SNX21: variants seen among roughly 807,000 people sequenced by gnomAD.
SNX21 encodes the protein sorting nexin-21.
Under a neutral mutation model 30.9 loss-of-function variants are expected in SNX21, and 36 were observed. The ratio of observed to expected loss-of-function variants is 1.16; its 90% confidence interval spans 0.89 to 1.54. The LOEUF is 1.54. SNX21 is among the 40% of genes most tolerant of loss of function. The pLI is 0.00. For missense variants in SNX21, 508 were observed against 516.5 expected (o/e 0.98, Z 0.16); for synonymous variants, 218 against 222.7 (o/e 0.98, Z 0.19).
At chr20:45,840,489 C>G (rs372864278) in intron 3 of SNX21, 150 bp from the exon 4 acceptor site, 4 of 1,613,850 alleles carry the variant, frequency 2.5e-6, no homozygotes, top group Non-Finnish European at 3.4e-6. Flanking sequence ...CCCGCCACTG[C>G]GCAGCAGCTC....
In SNX21 at chr20:45,841,592, CTTG is replaced by C. The variant is rs574418022; in HGVS notation, c.*283_*285del. 2.7e-4 allele frequency: 372 copies of C among 1,400,924 alleles called. 2 individuals carry two copies. Among genetic ancestry groups the C allele is most frequent in the African/African-American group, 2.5e-3 (173 of 69,098 alleles). 86.8% of individuals were successfully genotyped at this position (1,400,924 alleles called of 1,614,324 possible). The stretch of plus-strand genomic sequence containing the variant: ...GTGGCACAGGTTGGGGCAATGTTCC[CTTG>C]TTGGTGGGCCCCCAAGCTGGCAAGG... On this transcript the variant is annotated 3_prime_UTR_variant, in exon 4 of 4. Coordinates refer to ENST00000491381, the MANE Select transcript of SNX21 (RefSeq NM_033421.4).
chr20:45,835,197 G>T, intron 3 of SNX21, 81 bp downstream of exon 3: 1 of 1,464,196 alleles, frequency 6.8e-7, no homozygotes, highest in Non-Finnish European at 9.2e-7. Context: ...AACTTCCTGA[G>T]GGGTCTATGT....
rs1286882226 is a variant in SNX21 at position 45,842,955 on chromosome 20, C to T, written c.*1642C>T. ...GGTTCTGAAGCTAGACATTGATGAA[C>T]GAGTCTTGTTTCTCTCCCCTGCAAG... On this transcript the variant is annotated 3_prime_UTR_variant, in exon 4 of 4. Coordinates refer to ENST00000491381, the MANE Select transcript of SNX21 (RefSeq NM_033421.4). 4 of 1,010,476 alleles carry T rather than the reference C, an allele frequency of 4.0e-6. No individual in the cohort carries two copies. Among genetic ancestry groups the T allele is most frequent in the Non-Finnish European group, 4.7e-6 (4 of 844,050 alleles). 62.6% of individuals were successfully genotyped at this position (1,010,476 alleles called of 1,614,324 possible). A position where few individuals can be genotyped will look rare whatever the true frequency, so the allele number is the denominator to read the frequency against.
chr20:45,839,932 A>G (rs1435150288), intron 3 of SNX21, among the ~76,000 whole-genome samples: 10 of 152,140 alleles, frequency 6.6e-5, no homozygotes, highest in Non-Finnish European at 4.4e-5. Context: ...AAAGGGGACC[A>G]ACCTCCTGAT....
In SNX21 at chr20:45,834,305, C is replaced by T. The variant is rs540853632; in HGVS notation, c.126C>T (p.Ser42=). The T allele has an allele frequency of 7.5e-6, 12 of 1,596,354 alleles. No individual in the cohort carries two copies. In the South Asian group the frequency reaches 1.0e-4, roughly 13 times the overall value. Residue 42 remains serine, a synonymous_variant, in exon 2 of 4, where the codon AGC becomes AGT. Coordinates refer to ENST00000491381, the MANE Select transcript of SNX21 (RefSeq NM_033421.4). ...CAGAGGCCGAGCAGTTTCCGGAGAG[C>T]TCAGAGCTGGAGGACGACGACGCCG... ...ASPEAEQFPE[S]SELEDDDAEG...
At position 45,841,798 on chromosome 20, in the gene SNX21, G is replaced by A. The variant is rs1236239331; in HGVS notation, c.*485G>A. 6.4e-7 allele frequency: 1 copy of A among 1,553,970 alleles called. No homozygotes were observed. The highest frequency in any genetic ancestry group is 2.0e-5 in the Admixed American group (1 of 50,572). The stretch of plus-strand genomic sequence containing the variant: ...TCCTGTCTCAGGAATGGGGATAGAT[G>A]GGAGGTTCTTGAAGCCCCAGGCGAA... On this transcript the variant is annotated 3_prime_UTR_variant, in exon 4 of 4. Transcript: ENST00000491381.
At chr20:45,840,559 G>A (rs1253723392) in intron 3 of SNX21, 80 bp from the exon 4 acceptor site, 1 of 1,613,488 alleles carries the variant, frequency 6.2e-7, no homozygotes, top group Non-Finnish European at 8.5e-7. Flanking sequence ...ACAGCTGGGA[G>A]TGTGGGGGAT....
chr20:45,837,379 C>A (rs1601070229), intron 3 of SNX21, among the ~76,000 whole-genome samples: 1 of 152,282 alleles, frequency 6.6e-6, no homozygotes, highest in East Asian at 1.9e-4. Flanking sequence ...CAATAAGTTT[C>A]TTTATTGTTA....
rs1302708117 is a variant in SNX21 at position 45,834,234 on chromosome 20, C to T, written c.55C>T (p.Arg19Trp). 9 of 1,562,136 alleles carry T rather than the reference C, an allele frequency of 5.8e-6. No homozygotes were observed. The highest frequency in any genetic ancestry group is 1.9e-5 in the Admixed American group (1 of 54,048). Residue 19 changes from arginine to tryptophan, a missense_variant, in exon 2 of 4, where the codon CGG (arginine) becomes TGG (tryptophan). Arg to Trp is a moderately radical substitution (Grantham distance 101). Coordinates refer to ENST00000491381, the MANE Select transcript of SNX21 (RefSeq NM_033421.4). The stretch of plus-strand genomic sequence containing the variant: ...GGCCTCCCGGCTCCTGCACCGGCTG[C>T]GGCACGCCTTGGCCGGCGACGGCCC... Reference protein sequence around the residue: ...AMASRLLHRLRHALAGDGPGE... With the variant: ...AMASRLLHRLWHALAGDGPGE...
At position 45,842,275 on chromosome 20, in the gene SNX21, A is replaced by G; in HGVS notation, c.*962A>G. 1 of 1,429,988 alleles carries G rather than the reference A, an allele frequency of 7.0e-7. No homozygotes were observed. The highest frequency in any genetic ancestry group is 9.1e-7 in the Non-Finnish European group (1 of 1,097,742). 88.6% of individuals were successfully genotyped at this position (1,429,988 alleles called of 1,614,324 possible). The stretch of plus-strand genomic sequence containing the variant: ...CCGTCATTGAGGGGTAACTCCTCCC[A>G]CAGGAACCCCAGTTGACAGTTTAAA... On this transcript the variant is annotated 3_prime_UTR_variant, in exon 4 of 4. Coordinates refer to ENST00000491381, the MANE Select transcript of SNX21 (RefSeq NM_033421.4).
At chr20:45,836,498 A>AT in intron 3 of SNX21, among the ~76,000 whole-genome samples, 1 of 150,028 alleles carries the variant, frequency 6.7e-6, no homozygotes, top group Non-Finnish European at 1.5e-5. Flanking sequence ...CTCAAAAAAA[A>AT]AAAAAAAAAA....
chr20:45,841,662 G>A lies in SNX21; in HGVS notation c.*349G>A. 7.0e-7 allele frequency: 1 copy of A among 1,420,780 alleles called. No individual in the cohort carries two copies. Among genetic ancestry groups the A allele is most frequent in the Non-Finnish European group, 9.1e-7 (1 of 1,094,174 alleles). The allele number at this position is 1,420,780 out of a possible 1,614,324, so 88.0% of individuals were successfully genotyped here. ...CAGGGACTCTGCCCCTGGAGTCCTG[G>A]AGTTAAGGGATGAAGGCAAGGCTGC... On this transcript the variant is annotated 3_prime_UTR_variant, in exon 4 of 4. Coordinates refer to ENST00000491381, the MANE Select transcript of SNX21 (RefSeq NM_033421.4).
rs748668770 is a variant in SNX21 at position 45,842,430 on chromosome 20, G to A, written c.*1117G>A. 39 of 1,125,638 alleles carry A rather than the reference G, an allele frequency of 3.5e-5. No individual in the cohort carries two copies. The highest frequency in any genetic ancestry group is 1.2e-4 in the South Asian group (4 of 33,250). 69.7% of individuals were successfully genotyped at this position (1,125,638 alleles called of 1,614,324 possible). ...GACCACTTGTGTTAGGAAAACTATC[G>A]GCTCCCTGTATAATAAATCAAGCCA... On this transcript the variant is annotated 3_prime_UTR_variant, in exon 4 of 4. Coordinates refer to ENST00000491381, the MANE Select transcript of SNX21 (RefSeq NM_033421.4).
chr20:45,841,790 G>C lies in SNX21; in HGVS notation c.*477G>C. 6.5e-7 allele frequency: 1 copy of C among 1,541,068 alleles called. No homozygotes were observed. Among genetic ancestry groups the C allele is most frequent in the Non-Finnish European group, 8.7e-7 (1 of 1,150,392 alleles). ...ACTGTAACTCCTGTCTCAGGAATGG[G>C]GATAGATGGGAGGTTCTTGAAGCCC... On this transcript the variant is annotated 3_prime_UTR_variant, in exon 4 of 4. Coordinates refer to ENST00000491381, the MANE Select transcript of SNX21 (RefSeq NM_033421.4).
rs528650026 is a variant in SNX21, at chr20:45,840,961, G to A, written c.770G>A (p.Arg257His). 154 of 1,610,540 alleles carry A rather than the reference G, an allele frequency of 9.6e-5. No homozygotes were observed. In the Middle Eastern group the frequency reaches 1.5e-3, roughly 16 times the overall value. ...AQSLTCTGLY[R>H]EALALWANAW... ...AGCCTCACCTGTACTGGCCTCTATC[G>A]TGAGGCTCTGGCACTCTGGGCCAAT... The change falls in exon 4 of 4, where the codon CGT becomes CAT. Residue 257 changes from arginine (R) to histidine (H), a missense_variant. By Grantham distance (29) the Arg-to-His change is conservative. Coordinates refer to ENST00000491381, the MANE Select transcript of SNX21 (RefSeq NM_033421.4).
In SNX21 at chr20:45,834,420, G is replaced by C; in HGVS notation, c.241G>C (p.Gly81Arg). ...DDEDEDDEEA[G>R]PDQLPLGDGT... is the part of the protein sequence containing the mutation. ...CGAGGACGAGGACGACGAGGAGGCT[G>C]GCCCTGACCAGCTGCCCCTCGGGGA... The change falls in exon 2 of 4, where the codon GGC (glycine) becomes CGC (arginine). Residue 81 changes from glycine to arginine, a missense_variant. Transcript: ENST00000491381. 1.2e-6 allele frequency: 2 copies of C among 1,606,848 alleles called. No homozygotes were observed. Among genetic ancestry groups the C allele is most frequent in the Non-Finnish European group, 1.7e-6 (2 of 1,179,140 alleles).
chr20:45,840,590 C>G, intron 3 of SNX21, 49 bp from the exon 4 acceptor site: 1 of 1,613,966 alleles, frequency 6.2e-7, no homozygotes, highest in South Asian at 1.1e-5. Context: ...GGGGAGGGAA[C>G]GGGCCCGTGG....
chr20:45,839,432 A>C (rs956778688), intron 3 of SNX21, among the ~76,000 whole-genome samples: 11 of 151,644 alleles, frequency 7.3e-5, no homozygotes, highest in East Asian at 3.9e-4. Flanking sequence ...AGGAGAATGG[A>C]GTGAACCCAG....
Position 45,841,944 on chromosome 20 carries a change from C to G in SNX21, c.*631C>G, listed in dbSNP as rs1309604273. On this transcript the variant is annotated 3_prime_UTR_variant, in exon 4 of 4. Coordinates refer to ENST00000491381, the MANE Select transcript of SNX21 (RefSeq NM_033421.4). ...ACGCCACAGCCGCCCATGGACCAGC[C>G]CCCGAGAGCCACCTGTGGGTGAGGT... 1 of 1,613,360 alleles carries G rather than the reference C, an allele frequency of 6.2e-7. No individual in the cohort carries two copies.
Sources: allele counts gnomAD v4.1 joint callset (sites outside exome capture counted in the v4.1 genomes callset), GRCh38; gene constraint gnomAD v4.1.1; transcripts MANE v1.5; gene names NCBI Gene and HGNC (gene_info 2026-07-23, HGNC 2026-07-21).